ZFYVE26: variants seen among roughly 807,000 people sequenced by gnomAD.
ZFYVE26 encodes zinc finger FYVE-type containing 26, also known as zinc finger FYVE domain-containing protein 26.
Under a neutral mutation model 276.5 loss-of-function variants are expected in ZFYVE26, and 181 were observed. The ratio of observed to expected loss-of-function variants is 0.65; its 90% confidence interval spans 0.58 to 0.74. The LOEUF (loss-of-function observed/expected upper bound fraction) is 0.74. Among genes scored for constraint, ZFYVE26 ranks in the 30% least tolerant of loss-of-function variants. ZFYVE26 has a pLI of 0.00. For missense variants in ZFYVE26, 2,821 were observed against 3,097.9 expected, an observed-to-expected ratio of 0.91 and a Z score of 2.12; for synonymous variants, 1,129 against 1,203.1, an observed-to-expected ratio of 0.94 and a Z score of 1.27.
intron 39 of ZFYVE26, among the ~76,000 whole-genome samples, chr14:67,753,015 C>G (rs541768247): frequency 5.9e-5 from 9 of 152,208 alleles, no homozygotes; most frequent in Non-Finnish European, 1.2e-4. Context: ...GGAGCTGCCC[C>G]TCTGCCTGCC....
downstream of ZFYVE26, among the ~76,000 whole-genome samples, chr14:67,742,838 C>CTTTTTTTTTTT (rs71446342): frequency 1.3e-3 from 119 of 89,760 alleles, no homozygotes; most frequent in African/African-American, 4.8e-3. Context: ...TCTTCTTCTT[C>CTTTTTTTTTTT]TTTTTTTTTT....
chr14:67,762,110 T>C lies in ZFYVE26; in HGVS notation c.6369+93A>G, dbSNP rs986002532. On this transcript the variant is annotated intron_variant, in intron 34 of 41. Coordinates refer to ENST00000347230, the MANE Select transcript of ZFYVE26 (RefSeq NM_015346.4). ...CTTGATGCTGAGCCAGGACTGACACTGTTAGCTGAATTTCCACTGATTCTT... is the reference window on the plus strand; with the variant it reads ...CTTGATGCTGAGCCAGGACTGACACCGTTAGCTGAATTTCCACTGATTCTT... 10 of 1,467,588 alleles carry C rather than the reference T, an allele frequency of 6.8e-6. 1 individual carries two copies. The South Asian group carries it at 8.1e-5, about 12-fold the overall frequency. 90.9% of individuals were successfully genotyped at this position (1,467,588 alleles called of 1,614,324 possible). A position where few individuals can be genotyped will look rare whatever the true frequency, so the allele number is the denominator to read the frequency against.
Position 67,804,083 on chromosome 14 carries a change from C to A in ZFYVE26, c.1435+18G>T. On this transcript the variant is annotated intron_variant, in intron 9 of 41. Transcript: ENST00000347230. Reference sequence around the variant, plus strand: ...TCCTAAGAGGAAATCCTGGCCAGGTCATTCCATCCCAACTCACCAGGCTCT... The same window carrying A: ...TCCTAAGAGGAAATCCTGGCCAGGTAATTCCATCCCAACTCACCAGGCTCT... 1 of 1,613,784 alleles carries A rather than the reference C, an allele frequency of 6.2e-7. No homozygotes were observed. Among genetic ancestry groups the A allele is most frequent in the South Asian group, 1.1e-5 (1 of 91,042 alleles).
intron 6 of ZFYVE26, among the ~76,000 whole-genome samples, chr14:67,805,919 T>C (rs1219682274): frequency 6.6e-6 from 1 of 151,956 alleles, no homozygotes; most frequent in African/African-American, 2.4e-5. Flanking sequence ...CCCAGCTACT[T>C]GGGAGGCTGA....
At chr14:67,794,855 G>A (rs2039914449) in intron 12 of ZFYVE26, among the ~76,000 whole-genome samples, 1 of 152,114 alleles carries the variant, frequency 6.6e-6, no homozygotes, top group Non-Finnish European at 1.5e-5. Context: ...GGTTGCGGCA[G>A]GAAGGATTGT....
chr14:67,775,894 C>T lies in ZFYVE26; in HGVS notation c.5187G>A (p.Leu1729=), dbSNP rs1187494665. The T allele has an allele frequency of 1.9e-6, 3 of 1,614,194 alleles. 1 individual carries two copies. Among genetic ancestry groups the T allele is most frequent in the Non-Finnish European group, 1.7e-6 (2 of 1,180,020 alleles). Residue 1729 remains leucine, a synonymous_variant, in exon 26 of 42, where the codon CTG becomes CTA. Coordinates refer to ENST00000347230, the MANE Select transcript of ZFYVE26 (RefSeq NM_015346.4). The part of the protein sequence containing the change: ...SLLSRYAEKA[L]DFPYPQREKR... Reference sequence around the variant, plus strand: ...TCTCCCTCTGAGGGTATGGAAAGTCCAGGGCTTTCTCTGCGTATCTGGAAA... The same window carrying T: ...TCTCCCTCTGAGGGTATGGAAAGTCTAGGGCTTTCTCTGCGTATCTGGAAA...
chr14:67,814,768 G>A (rs2140259851), intron 2 of ZFYVE26, among the ~76,000 whole-genome samples: 2 of 152,242 alleles, frequency 1.3e-5, no homozygotes, highest in South Asian at 4.2e-4. Context: ...CAGGACTTTA[G>A]GAATTCATAA....
At chr14:67,758,880 C>T (rs1396227905) in intron 35 of ZFYVE26, among the ~76,000 whole-genome samples, 3 of 152,122 alleles carry the variant, frequency 2.0e-5, no homozygotes, top group African/African-American at 7.2e-5. Flanking sequence ...AGTGATCCAC[C>T]TGCCTCAGCC....
intron 19 of ZFYVE26, 115 bp from the exon 20 acceptor site, chr14:67,784,551 C>G: frequency 1.1e-6 from 1 of 911,506 alleles, no homozygotes; most frequent in South Asian, 1.3e-5. Context: ...ATATGGAGAG[C>G]CTTCTGTTAA....
In ZFYVE26 at chr14:67,807,882, G is replaced by T; in HGVS notation, c.402C>A (p.His134Gln). Residue 134 changes from histidine (H) to glutamine (Q), a missense_variant, in exon 5 of 42, where the codon CAC becomes CAA. His to Gln is a conservative substitution (Grantham distance 24). Coordinates refer to ENST00000347230, the MANE Select transcript of ZFYVE26 (RefSeq NM_015346.4). Reference protein sequence around the residue: ...YETLTQGAVGHVPDGNPRRES... With the variant: ...YETLTQGAVGQVPDGNPRRES... Reference sequence around the variant, plus strand: ...CCCTCCTTGGATTTCCGTCAGGCACGTGGCCTACTGCACCCTGTGTTAAGG... The same window carrying T: ...CCCTCCTTGGATTTCCGTCAGGCACTTGGCCTACTGCACCCTGTGTTAAGG... 1 of 1,614,060 alleles carries T rather than the reference G, an allele frequency of 6.2e-7. No homozygotes were observed. Among genetic ancestry groups the T allele is most frequent in the Non-Finnish European group, 8.5e-7 (1 of 1,179,960 alleles).
downstream of ZFYVE26, among the ~76,000 whole-genome samples, chr14:67,742,032 C>T (rs1439374533): frequency 6.6e-6 from 1 of 152,236 alleles, no homozygotes; most frequent in Non-Finnish European, 1.5e-5. Context: ...TCTCTGATTT[C>T]TATATACCAA....
At position 67,751,016 on chromosome 14, in the gene ZFYVE26, T is replaced by A. The variant is rs368951103; in HGVS notation, c.7416+36A>T. ...CTAGGCAAGCCTGAGACACAATTCA[T>A]TGGCATCACCAGCGTTTGGAGACAA... is the stretch of plus-strand genomic sequence containing the variant. On this transcript the variant is annotated intron_variant, in intron 41 of 41. Transcript: ENST00000347230. 4.3e-6 allele frequency: 7 copies of A among 1,613,970 alleles called. No individual in the cohort carries two copies. The East Asian group carries it at 1.1e-4, about 26-fold the overall frequency.
chr14:67,738,429 T>C (rs1319100902), intron 13 of ZFYVE26, among the ~76,000 whole-genome samples: 7 of 148,906 alleles, frequency 4.7e-5, no homozygotes, highest in Non-Finnish European at 8.9e-5. Flanking sequence ...TAAATAATTA[T>C]ATACTAATCT....
At position 67,775,892 on chromosome 14, in the gene ZFYVE26, T is replaced by C; in HGVS notation, c.5189A>G (p.Asp1730Gly). The C allele has an allele frequency of 1.2e-6, 2 of 1,614,230 alleles. No homozygotes were observed. Among genetic ancestry groups the C allele is most frequent in the Non-Finnish European group, 1.7e-6 (2 of 1,180,024 alleles). ...LLSRYAEKAL[D>G]FPYPQREKRS... ...TTTCTCCCTCTGAGGGTATGGAAAG[T>C]CCAGGGCTTTCTCTGCGTATCTGGA... The change falls in exon 26 of 42, where the codon GAC becomes GGC. Residue 1730 changes from aspartate (D) to glycine (G), a missense_variant. Asp to Gly is a moderately conservative substitution (Grantham distance 94). Transcript: ENST00000347230.
intron 35 of ZFYVE26, among the ~76,000 whole-genome samples, chr14:67,759,641 T>TAAAAAA (rs2038883788): frequency 3.4e-5 from 2 of 58,362 alleles, no homozygotes. Context: ...AAAAAAAAAG[T>TAAAAAA]GCATGGTATA....
Position 67,798,408 on chromosome 14 carries a change from C to G in ZFYVE26, c.1854G>C (p.Glu618Asp), listed in dbSNP as rs2040005472. The G allele has an allele frequency of 6.2e-7, 1 of 1,613,220 alleles. No individual in the cohort carries two copies. The highest frequency in any genetic ancestry group is 1.3e-5 in the African/African-American group (1 of 74,868). Residue 618 changes from glutamate (E) to aspartate (D), a missense_variant, in exon 11 of 42, where the codon GAG becomes GAC. Transcript: ENST00000347230. ...CAGGATGTGCTATGTGCTGAGGGCT[C>G]TCTGATGGGGACCTCAAACCTGAGG... ...KSPSGLRSPS[E>D]SPQHIAHPER...
chr14:67,732,890 T>G (rs1306063595), intron 13 of ZFYVE26, among the ~76,000 whole-genome samples: 1 of 152,108 alleles, frequency 6.6e-6, no homozygotes, highest in Admixed American at 6.5e-5. Context: ...CGTGATAGGC[T>G]TTTCTTCTTT....
exon 14 of ZFYVE26, chr14:67,729,418 T>C (rs1594867662): frequency 1.3e-6 from 2 of 1,576,642 alleles, no homozygotes; most frequent in Non-Finnish European, 8.6e-7. Context: ...ACCACCTGTG[T>C]GCATGGGAGG....
In ZFYVE26 at chr14:67,768,501, C is replaced by T. The variant is rs140437859; in HGVS notation, c.5653+16G>A. On this transcript the variant is annotated intron_variant, in intron 30 of 41. Transcript: ENST00000347230. ...TACACAAATGAAGAGTCACAGAGAA[C>T]GGGATTTGGCCTTACCTTCTGGTTT... 1,144 of 1,613,764 alleles carry T rather than the reference C, an allele frequency of 7.1e-4. 7 individuals are homozygous for T. In the African/African-American group the frequency reaches 0.013, roughly 18 times the overall value.
Sources: gnomAD v4.1 joint callset for allele counts (sites outside exome capture counted in the v4.1 genomes callset) on GRCh38, gnomAD v4.1.1 for gene constraint, MANE v1.5 for transcripts, NCBI Gene and HGNC (gene_info 2026-07-23, HGNC 2026-07-21) for gene names.